The following CRTC3 variants were observed in gnomAD, a reference collection of about 807,000 sequenced individuals.
CRTC3 encodes CREB regulated transcription coactivator 3.
In CRTC3, 26 loss-of-function variants were observed where a neutral mutation model predicts 74.5. The observed-to-expected ratio is 0.35, with a 90% confidence interval of 0.26 to 0.48. CRTC3 has a LOEUF of 0.48. Ranked by LOEUF, CRTC3 falls within the 20% of genes least tolerant of loss-of-function variation. CRTC3 has a pLI of 0.99. For synonymous variants in CRTC3, 377 were observed against 325.8 expected, an observed-to-expected ratio of 1.16 and a Z score of -1.69; for missense variants, 760 against 787.3, an observed-to-expected ratio of 0.97 and a Z score of 0.41.
chr15:90,623,144 T>G (rs1216909179), intron 9 of CRTC3, among the ~76,000 whole-genome samples: 1 of 152,080 alleles, frequency 6.6e-6, no homozygotes. Flanking sequence ...CTGGCCCTCC[T>G]CCCGCTGGAT....
At chr15:90,567,032 A>G (rs1328102680) in intron 2 of CRTC3, among the ~76,000 whole-genome samples, 3 of 152,010 alleles carry the variant, frequency 2.0e-5, no homozygotes, top group African/African-American at 7.2e-5. Flanking sequence ...CATAGATGAA[A>G]CAGTCTCTTT....
intron 2 of CRTC3, among the ~76,000 whole-genome samples, chr15:90,575,404 G>GT (rs1410934023): frequency 6.6e-6 from 1 of 152,126 alleles, no homozygotes; most frequent in Non-Finnish European, 1.5e-5. Flanking sequence ...TTTTGTTATA[G>GT]TTAGAAAGTT....
intron 2 of CRTC3, among the ~76,000 whole-genome samples, chr15:90,549,582 T>C (rs1402768039): frequency 6.6e-6 from 1 of 152,102 alleles, no homozygotes; most frequent in Non-Finnish European, 1.5e-5. Context: ...TGGAGAAAGA[T>C]AGTGAAGAGC....
chr15:90,641,685 C>CAAAAAAAAAAAAAAAA (rs11294553), intron 14 of CRTC3, among the ~76,000 whole-genome samples: 1 of 132,868 alleles, frequency 7.5e-6, no homozygotes, highest in African/African-American at 2.8e-5. Flanking sequence ...CAACAGTCTC[C>CAAAAAAAAAAAAAAAA]AAAAAAAAAA....
chr15:90,573,905 G>T (rs529192266), intron 2 of CRTC3, among the ~76,000 whole-genome samples: 1 of 152,154 alleles, frequency 6.6e-6, no homozygotes, highest in South Asian at 2.1e-4. Flanking sequence ...AATATTTTAT[G>T]TATGTATCAG....
intron 3 of CRTC3, among the ~76,000 whole-genome samples, chr15:90,601,501 A>G (rs1427186059): frequency 6.6e-6 from 1 of 151,948 alleles, no homozygotes; most frequent in African/African-American, 2.4e-5. Flanking sequence ...AAAAAATACA[A>G]AATTAGCCGG....
At chr15:90,628,385 G>A (rs1300783697) in intron 10 of CRTC3, among the ~76,000 whole-genome samples, 3 of 152,136 alleles carry the variant, frequency 2.0e-5, no homozygotes, top group African/African-American at 7.2e-5. Context: ...TGGGCTGAAG[G>A]TTAAAACGTA....
intron 2 of CRTC3, among the ~76,000 whole-genome samples, chr15:90,566,208 A>G (rs1446258205): frequency 6.6e-6 from 1 of 152,142 alleles, no homozygotes; most frequent in East Asian, 1.9e-4. Context: ...GGAAGCTACA[A>G]AAGAAAAGTT....
At chr15:90,563,034 T>C (rs909556896) in intron 2 of CRTC3, among the ~76,000 whole-genome samples, 3 of 152,236 alleles carry the variant, frequency 2.0e-5, no homozygotes, top group Non-Finnish European at 4.4e-5. Flanking sequence ...AGAGACGCTT[T>C]CTACCAGTCC....
At chr15:90,572,025 G>C (rs1443529160) in intron 2 of CRTC3, among the ~76,000 whole-genome samples, 1 of 152,060 alleles carries the variant, frequency 6.6e-6, no homozygotes, top group Non-Finnish European at 1.5e-5. Context: ...AGCTGGGCAT[G>C]GTGGTGTGTG....
At chr15:90,539,034 C>A (rs1966763804) in intron 1 of CRTC3, among the ~76,000 whole-genome samples, 1 of 152,142 alleles carries the variant, frequency 6.6e-6, no homozygotes, top group African/African-American at 2.4e-5. Flanking sequence ...GCACCTGGCC[C>A]ATCCTAGGGG....
Position 90,644,797 on chromosome 15 carries a change from A to AT in CRTC3, c.*2657_*2658insT, listed in dbSNP as rs1228641906. Reference sequence around the variant, plus strand: ...AACCAGTTGTGGTCCTCAGCATTTGAAGCAGCTGCATACTTCAGAGTAAAC... The same window carrying AT: ...AACCAGTTGTGGTCCTCAGCATTTGATAGCAGCTGCATACTTCAGAGTAAAC... On this transcript the variant is annotated 3_prime_UTR_variant, in exon 15 of 15. Coordinates refer to ENST00000268184, the MANE Select transcript of CRTC3 (RefSeq NM_022769.5). 4.3e-6 allele frequency: 1 copy of AT among 232,518 alleles called. No individual in the cohort carries two copies. Among genetic ancestry groups the AT allele is most frequent in the East Asian group, 6.1e-5 (1 of 16,528 alleles). The allele number at this position is 232,518 out of a possible 1,614,324, so 14.4% of individuals were successfully genotyped here.
intron 3 of CRTC3, chr15:90,594,706 C>T (rs1357376158): frequency 6.6e-6 from 1 of 152,160 alleles, no homozygotes; most frequent in East Asian, 1.9e-4. Context: ...CTCAAAAACT[C>T]ACTGAGTCGT....
chr15:90,618,067 GA>G (rs1430599953), intron 8 of CRTC3, 99 bp downstream of exon 8: 14 of 723,254 alleles, frequency 1.9e-5, no homozygotes, highest in Middle Eastern at 2.4e-4. Context: ...GGAACTGGGG[GA>G]AAAGGAGAAG....
At chr15:90,566,855 T>C (rs11073937) in intron 2 of CRTC3, among the ~76,000 whole-genome samples, 132,067 of 151,570 alleles carry the variant, frequency 0.87, 57,973 homozygotes, top group African/African-American at 0.96. Context: ...GGATTATAGG[T>C]GCCCGCCACC....
intron 1 of CRTC3, among the ~76,000 whole-genome samples, chr15:90,537,915 C>T (rs1165254516): frequency 2.0e-5 from 3 of 152,100 alleles, no homozygotes; most frequent in African/African-American, 4.8e-5. Context: ...TTGAAGGCTT[C>T]GGAAATAGGT....
At chr15:90,606,049 A>C (rs1018243518) in intron 5 of CRTC3, among the ~76,000 whole-genome samples, 3 of 151,960 alleles carry the variant, frequency 2.0e-5, no homozygotes, top group Non-Finnish European at 2.9e-5. Flanking sequence ...TGAGGTCAGG[A>C]GTTCAAGACC....
intron 2 of CRTC3, among the ~76,000 whole-genome samples, chr15:90,581,769 A>T (rs1042719189): frequency 6.6e-6 from 1 of 152,198 alleles, no homozygotes; most frequent in Non-Finnish European, 1.5e-5. Context: ...TCCAAATTAC[A>T]ATCTCTTCTA....
In CRTC3 at chr15:90,642,596, C is replaced by T; in HGVS notation, c.*456C>T. 2 of 287,768 alleles carry T rather than the reference C, an allele frequency of 7.0e-6. No homozygotes were observed. Among genetic ancestry groups the T allele is most frequent in the South Asian group, 7.4e-5 (1 of 13,548 alleles). 17.8% of individuals were successfully genotyped at this position (287,768 alleles called of 1,614,324 possible). A position where few individuals can be genotyped will look rare whatever the true frequency, so the allele number is the denominator to read the frequency against. On this transcript the variant is annotated 3_prime_UTR_variant, in exon 15 of 15. Coordinates refer to ENST00000268184, the MANE Select transcript of CRTC3 (RefSeq NM_022769.5). ...ACCGGAGAGGGCACCTCGATGCCTG[C>T]TCTGACCTGACCCAGAGGGCGAGGC... is the stretch of plus-strand genomic sequence containing the variant.
Sources: allele counts gnomAD v4.1 joint callset (sites outside exome capture counted in the v4.1 genomes callset), GRCh38; gene constraint gnomAD v4.1.1; transcripts MANE v1.5; gene names NCBI Gene and HGNC (gene_info 2026-07-23, HGNC 2026-07-21).